Variants in SEC22A observed in about 807,000 individuals in gnomAD.
The protein encoded by SEC22A is vesicle-trafficking protein SEC22a.
A neutral mutation model predicts 35.3 loss-of-function variants in SEC22A; 22 were observed. The ratio of observed to expected loss-of-function variants is 0.62; its 90% confidence interval spans 0.45 to 0.89. The LOEUF (loss-of-function observed/expected upper bound fraction) is 0.89, where lower values mean the gene tolerates loss of function less well. Among genes scored for constraint, SEC22A ranks in the 40% least tolerant of loss-of-function variants. SEC22A has a pLI of 0.00. For synonymous variants in SEC22A, 119 were observed against 129.5 expected (o/e 0.92, Z 0.55); for missense variants, 354 against 362.5 (o/e 0.98, Z 0.19).
intron 2 of SEC22A, among the ~76,000 whole-genome samples, chr3:123,217,654 C>T (rs188812700): frequency 3.0e-4 from 46 of 152,214 alleles, no homozygotes; most frequent in Non-Finnish European, 5.3e-4. Context: ...TGTATAGTGG[C>T]ACAATTATAG....
chr3:123,221,312 A>G (rs1937117927), intron 2 of SEC22A, among the ~76,000 whole-genome samples: 2 of 151,610 alleles, frequency 1.3e-5, no homozygotes, highest in Non-Finnish European at 2.9e-5. Context: ...CTCTACTAAA[A>G]ATATAAAAAT....
At chr3:123,218,366 T>A (rs1258423712) in intron 2 of SEC22A, among the ~76,000 whole-genome samples, 1 of 152,112 alleles carries the variant, frequency 6.6e-6, no homozygotes, top group Non-Finnish European at 1.5e-5. Flanking sequence ...GGAATGGAGC[T>A]AAACAATATA....
At chr3:123,220,870 A>ATATATATATATATATATATG (rs1937109171) in intron 2 of SEC22A, among the ~76,000 whole-genome samples, 1 of 117,556 alleles carries the variant, frequency 8.5e-6, no homozygotes, top group Non-Finnish European at 1.8e-5. Flanking sequence ...AAGGTCTCAT[A>ATATATATATATATATATATG]TATATATATA....
chr3:123,250,446 C>T (rs1285396399), intron 5 of SEC22A, among the ~76,000 whole-genome samples: 1 of 152,024 alleles, frequency 6.6e-6, no homozygotes, highest in Non-Finnish European at 1.5e-5. Flanking sequence ...TGGAGGAAAA[C>T]TGGAAAGGGA....
intron 6 of SEC22A, among the ~76,000 whole-genome samples, chr3:123,269,215 G>GTGTA (rs10642998): frequency 2.6e-4 from 36 of 136,880 alleles, no homozygotes; most frequent in African/African-American, 8.3e-4. Flanking sequence ...GTGTGTGTGT[G>GTGTA]TATATATTAC....
At chr3:123,214,399 G>A (rs1290928924) in intron 2 of SEC22A, among the ~76,000 whole-genome samples, 1 of 152,156 alleles carries the variant, frequency 6.6e-6, no homozygotes, top group Non-Finnish European at 1.5e-5. Flanking sequence ...ACTAAATGAG[G>A]GATGGTTGTT....
chr3:123,241,002 TACACACACACAC>T (rs35775511), intron 4 of SEC22A, among the ~76,000 whole-genome samples: 40 of 142,666 alleles, frequency 2.8e-4, no homozygotes, highest in African/African-American at 7.4e-4. Flanking sequence ...CTCTCTTTCT[TACACACACACAC>T]ACACACACAC....
intron 4 of SEC22A, among the ~76,000 whole-genome samples, chr3:123,244,533 A>G (rs774542174): frequency 1.8e-4 from 28 of 152,228 alleles, no homozygotes; most frequent in African/African-American, 6.8e-4. Flanking sequence ...TCATATTACA[A>G]TATCAAGGAA....
intron 5 of SEC22A, among the ~76,000 whole-genome samples, chr3:123,255,014 A>AT (rs1231154589): frequency 6.6e-6 from 1 of 151,880 alleles, no homozygotes; most frequent in Non-Finnish European, 1.5e-5. Context: ...ATTCTCTCAG[A>AT]TATCCACCAT....
At chr3:123,213,295 AAATTGAG>A (rs982813491) in intron 2 of SEC22A, among the ~76,000 whole-genome samples, 24 of 152,324 alleles carry the variant, frequency 1.6e-4, no homozygotes, top group Admixed American at 1.6e-3. Flanking sequence ...GAAATGCGTA[AAATTGAG>A]AATTTGTGTG....
intron 4 of SEC22A, among the ~76,000 whole-genome samples, chr3:123,242,419 C>A (rs755640747): frequency 3.4e-4 from 51 of 151,914 alleles, no homozygotes; most frequent in Non-Finnish European, 6.2e-4. Context: ...AATTTTTTTC[C>A]CCCTTTTGTT....
chr3:123,232,954 C>T (rs755938838), intron 4 of SEC22A, among the ~76,000 whole-genome samples: 1 of 152,046 alleles, frequency 6.6e-6, no homozygotes, highest in African/African-American at 2.4e-5. Context: ...ACAACATAGG[C>T]AGACCCCATC....
intron 2 of SEC22A, among the ~76,000 whole-genome samples, chr3:123,214,821 G>A (rs910775471): frequency 2.6e-5 from 4 of 152,162 alleles, no homozygotes; most frequent in Non-Finnish European, 1.5e-5. Context: ...ATCCTATTGT[G>A]AATTTTAGTG....
At chr3:123,228,616 A>G (rs913088710) in intron 4 of SEC22A, among the ~76,000 whole-genome samples, 4 of 151,082 alleles carry the variant, frequency 2.6e-5, no homozygotes, top group Admixed American at 2.6e-4. Flanking sequence ...TGACCCACAC[A>G]CTGTGGGCAT....
chr3:123,232,680 C>G (rs1360120821), intron 4 of SEC22A, among the ~76,000 whole-genome samples: 1 of 152,116 alleles, frequency 6.6e-6, no homozygotes, highest in Admixed American at 6.5e-5. Context: ...AACACTGTCT[C>G]TACAAAAAAT....
intron 6 of SEC22A, among the ~76,000 whole-genome samples, chr3:123,264,049 G>A (rs929787168): frequency 6.6e-6 from 1 of 151,766 alleles, no homozygotes; most frequent in Admixed American, 6.6e-5. Flanking sequence ...CTATAGATGT[G>A]TGCTGCCACA....
intron 1 of SEC22A, among the ~76,000 whole-genome samples, chr3:123,206,285 G>A (rs572933116): frequency 6.6e-6 from 1 of 152,086 alleles, no homozygotes; most frequent in Admixed American, 6.6e-5. Context: ...TATAGAGACA[G>A]AGCCTCACCA....
intron 2 of SEC22A, among the ~76,000 whole-genome samples, chr3:123,214,884 A>G (rs1343559210): frequency 6.6e-6 from 1 of 152,160 alleles, no homozygotes; most frequent in East Asian, 1.9e-4. Flanking sequence ...GAAGCCGTAT[A>G]ATCGCTGTGA....
At chr3:123,227,682 A>G (rs1050281893) in intron 4 of SEC22A, among the ~76,000 whole-genome samples, 3 of 152,232 alleles carry the variant, frequency 2.0e-5, no homozygotes, top group African/African-American at 7.2e-5. Flanking sequence ...TATATTGACA[A>G]AGGGCAAAAT....
Sources: gnomAD v4.1 joint callset for allele counts (sites outside exome capture counted in the v4.1 genomes callset) on GRCh38, gnomAD v4.1.1 for gene constraint, MANE v1.5 for transcripts, NCBI Gene and HGNC (gene_info 2026-07-23, HGNC 2026-07-21) for gene names.